Variants in ZC3H7A observed in about 807,000 individuals in gnomAD.
ZC3H7A encodes the protein zinc finger CCCH-type containing 7A, also known as zinc finger CCCH domain-containing protein 7A.
A neutral mutation model predicts 125.5 loss-of-function variants in ZC3H7A; 44 were observed. The ratio of observed to expected loss-of-function variants is 0.35; its 90% CI spans 0.28 to 0.45. The LOEUF (loss-of-function observed/expected upper bound fraction) is 0.45, where lower values mean the gene tolerates loss of function less well. Among genes scored for constraint, ZC3H7A ranks in the 20% least tolerant of loss-of-function variants. The pLI is 1.00. For synonymous variants in ZC3H7A, 399 were observed against 391.2 expected, an observed-to-expected ratio of 1.02 and a Z score of -0.23; for missense variants, 977 against 1,170.7, an observed-to-expected ratio of 0.83 and a Z score of 2.41.
chr16:11,777,731 A>C (rs985321224), intron 4 of ZC3H7A, among the ~76,000 whole-genome samples: 1 of 148,940 alleles, frequency 6.7e-6, no homozygotes, highest in Admixed American at 6.7e-5. Context: ...AAAAATTTAA[A>C]AAAGGTGGCC....
rs775434673 is a variant in ZC3H7A, at chr16:11,774,363, A to G, written c.776T>C (p.Val259Ala). ...QVEESALPSA[V>A]LANGGKMPFT... Reference sequence around the variant, plus strand: ...GGGCATCTTTCCTCCATTTGCCAGCACTGCAGATGGCAGAGCGCTCTCTTC... The same window carrying G: ...GGGCATCTTTCCTCCATTTGCCAGCGCTGCAGATGGCAGAGCGCTCTCTTC... The change falls in exon 9 of 23, where the codon GTG becomes GCG. Residue 259 changes from valine to alanine, a missense_variant. Physicochemically the swap from Val to Ala is moderately conservative, Grantham distance 64 (BLOSUM62 0). Around this residue, in one of 3 missense-constraint regions of ZC3H7A, gnomAD observed 342 missense variants for 311.3 expected, o/e 1.10. Coordinates refer to ENST00000355758, the MANE Select transcript of ZC3H7A (RefSeq NM_014153.4). The G allele has an allele frequency of 6.2e-7, 1 of 1,614,096 alleles. No homozygotes were observed. Among genetic ancestry groups the G allele is most frequent in the Non-Finnish European group, 8.5e-7 (1 of 1,179,982 alleles).
intron 15 of ZC3H7A, 83 bp from the exon 16 acceptor site, chr16:11,763,742 TATATATATATATATATATATATATATAA>T (rs1196484856): frequency 2.3e-5 from 1 of 44,038 alleles, no homozygotes; most frequent in African/African-American, 7.1e-5. Flanking sequence ...TATATATATA[TATATATATATATATATATATATATATAA>T]AGTTCTACAC....
chr16:11,783,967 C>T (rs1167876192), intron 1 of ZC3H7A, among the ~76,000 whole-genome samples: 1 of 143,770 alleles, frequency 7.0e-6, no homozygotes, highest in Non-Finnish European at 1.5e-5. Context: ...TAAAATACTC[C>T]AGTAACAACA....
intron 19 of ZC3H7A, chr16:11,759,515 C>G (rs1359200221): frequency 2.0e-5 from 3 of 152,156 alleles, no homozygotes; most frequent in Admixed American, 6.5e-5. Flanking sequence ...ATAAAATAGT[C>G]ATATTCTTTC....
intron 9 of ZC3H7A, among the ~76,000 whole-genome samples, chr16:11,771,291 G>A (rs2052976817): frequency 6.6e-6 from 1 of 151,844 alleles, no homozygotes; most frequent in South Asian, 2.1e-4. Flanking sequence ...AGGAGGCTGA[G>A]GCAGGAGAAT....
intron 21 of ZC3H7A, among the ~76,000 whole-genome samples, chr16:11,753,375 T>C (rs958049953): frequency 1.3e-5 from 2 of 152,242 alleles, no homozygotes; most frequent in Non-Finnish European, 2.9e-5. Context: ...TCCTGGGCAA[T>C]AATTATCTGC....
At chr16:11,762,975 CTTGTATCAGT>C in intron 16 of ZC3H7A, 1 of 457,656 alleles carries the variant, frequency 2.2e-6, no homozygotes, top group Non-Finnish European at 3.9e-6. Context: ...CATGTATCAA[CTTGTATCAGT>C]AATTAATGAC....
At chr16:11,762,624 A>G (rs1431626779) in intron 17 of ZC3H7A, 47 bp downstream of exon 17, 12 of 1,579,082 alleles carry the variant, frequency 7.6e-6, no homozygotes, top group Admixed American at 1.7e-5. Context: ...CTATTACGCA[A>G]TTCCAGAAAG....
At position 11,768,487 on chromosome 16, in the gene ZC3H7A, A is replaced by T. The variant is rs2052904528; in HGVS notation, c.1188T>A (p.Gly396=). 3 of 1,475,282 alleles carry T rather than the reference A, an allele frequency of 2.0e-6. No individual in the cohort carries two copies. In the East Asian group the frequency reaches 7.2e-5, roughly 35 times the overall value. The allele number at this position is 1,475,282 out of a possible 1,614,324, so 91.4% of individuals were successfully genotyped here. The change falls in exon 12 of 23, where the codon GGT becomes GGA. Residue 396 remains glycine, a synonymous_variant. Coordinates refer to ENST00000355758, the MANE Select transcript of ZC3H7A (RefSeq NM_014153.4). ...GGAAATTCTCTGAAGCAAACAAACT[A>T]CCTGGTCCATTCATCTGCAAGAAAA... The part of the protein sequence containing the change: ...NSSLLLMNGP[G]SLFASENFLG...
chr16:11,792,019 C>T (rs1222829234), intron 1 of ZC3H7A, among the ~76,000 whole-genome samples: 1 of 152,162 alleles, frequency 6.6e-6, no homozygotes, highest in Non-Finnish European at 1.5e-5. Context: ...TCAATCTTCC[C>T]ATCTCAGCCT....
chr16:11,766,547 C>G, intron 13 of ZC3H7A, among the ~76,000 whole-genome samples: 1 of 152,090 alleles, frequency 6.6e-6, no homozygotes, highest in African/African-American at 2.4e-5. Flanking sequence ...GCCTGGGAGA[C>G]AGAGCGAGAC....
At chr16:11,764,984 C>G (rs536245459) in intron 15 of ZC3H7A, 69 bp downstream of exon 15, 8 of 1,051,248 alleles carry the variant, frequency 7.6e-6, no homozygotes, top group Non-Finnish European at 1.1e-5. Context: ...GACATTACTA[C>G]TAGTTTTTAT....
chr16:11,763,396 A>C (rs372994247), intron 16 of ZC3H7A, 82 bp downstream of exon 16: 3 of 1,418,902 alleles, frequency 2.1e-6, no homozygotes, highest in East Asian at 2.5e-5. Flanking sequence ...GGCATGAGCC[A>C]CCACGCCAGG....
chr16:11,791,754 A>G (rs76390893), intron 1 of ZC3H7A, among the ~76,000 whole-genome samples: 7,414 of 152,300 alleles, frequency 0.049, 264 homozygotes, highest in Middle Eastern at 0.11. Context: ...CTTTGGGGAA[A>G]CAAGGTGGGA....
At chr16:11,760,382 CT>C (rs2052733419) in intron 19 of ZC3H7A, among the ~76,000 whole-genome samples, 1 of 152,154 alleles carries the variant, frequency 6.6e-6, no homozygotes, top group Non-Finnish European at 1.5e-5. Flanking sequence ...AAATAAACCC[CT>C]TTCCCCCTCC....
chr16:11,751,079 T>TTC lies in ZC3H7A; in HGVS notation c.*236_*237dup. On this transcript the variant is annotated 3_prime_UTR_variant, in exon 23 of 23. Transcript: ENST00000355758. ...CCAACACACTTCATCCAAAAGTCTGTTCAACAGATGGCAACCGGGTAGCAG... is the reference window on the plus strand; with the variant it reads ...CCAACACACTTCATCCAAAAGTCTGTTCTCAACAGATGGCAACCGGGTAGCAG... 1 of 416,178 alleles carries TTC rather than the reference T, an allele frequency of 2.4e-6. No homozygotes were observed. Among genetic ancestry groups the TTC allele is most frequent in the South Asian group, 3.4e-5 (1 of 29,226 alleles). 25.8% of individuals were successfully genotyped at this position (416,178 alleles called of 1,614,324 possible).
At chr16:11,770,667 A>C in intron 10 of ZC3H7A, 116 bp downstream of exon 10, 2 of 1,018,962 alleles carry the variant, frequency 2.0e-6, no homozygotes, top group Non-Finnish European at 2.8e-6. Context: ...ATTTTTAGCT[A>C]CAAAGAAAAT....
chr16:11,791,556 CA>C (rs763417416), intron 1 of ZC3H7A, among the ~76,000 whole-genome samples: 5 of 152,308 alleles, frequency 3.3e-5, no homozygotes, highest in Middle Eastern at 3.4e-3. Context: ...TCCAGCTCAA[CA>C]AATACTTGAA....
rs201022273 is a variant in ZC3H7A at position 11,768,199 on chromosome 16, A to AGG, written c.1360+114_1360+115dup. On this transcript the variant is annotated intron_variant, in intron 12 of 22. Transcript: ENST00000355758. ...TACTTGTTTAGGAAGAATTCAAAAT[A>AGG]GGGATTGAAGAACCATAATAACTGA... is the stretch of plus-strand genomic sequence containing the variant. 7,781 of 1,043,568 alleles carry AGG rather than the reference A, an allele frequency of 7.5e-3. 45 individuals carry two copies. Among genetic ancestry groups the AGG allele is most frequent in the Non-Finnish European group, 8.8e-3 (6,807 of 772,134 alleles). The allele number at this position is 1,043,568 out of a possible 1,614,324, so 64.6% of individuals were successfully genotyped here. A position where few individuals can be genotyped will look rare whatever the true frequency, so the allele number is the denominator to read the frequency against.
Sources: gnomAD v4.1 joint callset for allele counts (sites outside exome capture counted in the v4.1 genomes callset) on GRCh38, gnomAD v4.1.1 for gene constraint, gnomAD v4.1.1 regional missense constraint, MANE v1.5 for transcripts, NCBI Gene and HGNC (gene_info 2026-07-23, HGNC 2026-07-21) for gene names.